Variants in GABRA3 observed in about 807,000 individuals in gnomAD.
GABRA3 encodes gamma-aminobutyric acid receptor subunit alpha-3.
Under a neutral mutation model 30.1 loss-of-function variants are expected in GABRA3, and 10 were observed. The observed-to-expected ratio is 0.33, with a 90% CI of 0.20 to 0.56. The LOEUF (loss-of-function observed/expected upper bound fraction) is 0.56. Ranked by LOEUF, GABRA3 falls within the 20% of genes least tolerant of loss-of-function variation. The pLI is 0.89. For missense variants in GABRA3, 233 were observed against 392.0 expected, an observed-to-expected ratio of 0.59 and a Z score of 3.42; for synonymous variants, 151 against 146.8, an observed-to-expected ratio of 1.03 and a Z score of -0.21.
chrX:152,401,311 TA>T (rs1343019231), intron 1 of GABRA3, among the ~76,000 whole-genome samples: 1 of 107,858 alleles, frequency 9.3e-6, no homozygotes, highest in Non-Finnish European at 1.9e-5. Context: ...CACAAACACA[TA>T]TACTCTACAA....
At chrX:152,441,011 T>TAAAAAA (rs3042367) in intron 1 of GABRA3, among the ~76,000 whole-genome samples, 2 of 97,637 alleles carry the variant, frequency 2.0e-5, no homozygotes, top group African/African-American at 7.7e-5. Flanking sequence ...TATAGTATAA[T>TAAAAAA]AAAAAAAAAA....
intron 1 of GABRA3, among the ~76,000 whole-genome samples, chrX:152,450,420 T>C (rs1236402047): frequency 9.5e-6 from 1 of 105,221 alleles, no homozygotes; most frequent in Non-Finnish European, 1.9e-5. Context: ...ATCTAGGATG[T>C]CAGCTCAATT....
intron 6 of GABRA3, among the ~76,000 whole-genome samples, chrX:152,213,306 C>T (rs894508248): frequency 1.7e-4 from 19 of 111,823 alleles, no homozygotes; most frequent in African/African-American, 5.5e-4. Context: ...GAAGATACAG[C>T]GATCATAAAA....
intron 1 of GABRA3, among the ~76,000 whole-genome samples, chrX:152,445,902 A>T (rs900211011): frequency 8.9e-6 from 1 of 111,891 alleles, no homozygotes; most frequent in Non-Finnish European, 1.9e-5. Flanking sequence ...CAAATTCTTC[A>T]TATTTTTTAT....
intron 3 of GABRA3, among the ~76,000 whole-genome samples, chrX:152,327,723 G>A (rs924250357): frequency 9.0e-6 from 1 of 111,726 alleles, no homozygotes; most frequent in Non-Finnish European, 1.9e-5. Flanking sequence ...GACATTTATA[G>A]CACTAAATGC....
chrX:152,428,917 T>C (rs1335718259), intron 1 of GABRA3, among the ~76,000 whole-genome samples: 1 of 111,322 alleles, frequency 9.0e-6, no homozygotes, highest in Non-Finnish European at 1.9e-5. Context: ...AGAAAAACAA[T>C]AGACCACTGA....
chrX:152,306,523 G>A (rs1403850910), intron 3 of GABRA3, among the ~76,000 whole-genome samples: 2 of 111,901 alleles, frequency 1.8e-5, no homozygotes, highest in African/African-American at 3.2e-5. Flanking sequence ...TGTTGCAAGT[G>A]AGATGTGGTC....
At chrX:152,443,401 C>T (rs1278346391) in intron 1 of GABRA3, among the ~76,000 whole-genome samples, 3 of 112,041 alleles carry the variant, frequency 2.7e-5, no homozygotes, top group African/African-American at 9.7e-5. Context: ...TAGAGTGGAA[C>T]ACCTTCACAT....
At chrX:152,321,366 A>G (rs1939961161) in intron 3 of GABRA3, among the ~76,000 whole-genome samples, 1 of 111,676 alleles carries the variant, frequency 9.0e-6, no homozygotes, top group African/African-American at 3.3e-5. Context: ...ACGGTAAAAT[A>G]CAGGGAATCA....
chrX:152,306,715 C>A (rs1017683110), intron 3 of GABRA3, among the ~76,000 whole-genome samples: 1 of 112,186 alleles, frequency 8.9e-6, no homozygotes, highest in Admixed American at 9.4e-5. Context: ...AAAAACAAAA[C>A]AAAACCGTAC....
chrX:152,446,150 C>T (rs149323611), intron 1 of GABRA3, among the ~76,000 whole-genome samples: 1,279 of 112,212 alleles, frequency 0.011, 13 homozygotes, highest in African/African-American at 0.039. Context: ...TTGGTAGGCA[C>T]TGTGACCATC....
At chrX:152,343,501 T>C (rs1327028752) in intron 3 of GABRA3, among the ~76,000 whole-genome samples, 4 of 109,352 alleles carry the variant, frequency 3.7e-5, no homozygotes, top group African/African-American at 1.3e-4. Flanking sequence ...GTCTTCCCTA[T>C]TTTAGAAAAT....
chrX:152,224,737 C>CA, intron 6 of GABRA3, 26 bp downstream of exon 6: 1 of 1,000,289 alleles, frequency 1.0e-6, no homozygotes, highest in Non-Finnish European at 1.4e-6. Flanking sequence ...AAAAAAAAGA[C>CA]AGAGAGAGAG....
chrX:152,256,435 A>G (rs5970246), intron 4 of GABRA3, among the ~76,000 whole-genome samples: 9,207 of 111,175 alleles, frequency 0.083, 822 homozygotes, highest in African/African-American at 0.26. Context: ...CGTACATTTA[A>G]TCTGAGCCTC....
rs1423841508 is a variant in GABRA3 at position 152,279,412 on chromosome X, G to T, written c.330+5256C>A. Among the ~76,000 whole-genome samples the T allele has an allele frequency of 3.6e-5, 4 of 111,509 alleles. No individual in the cohort carries two copies. The South Asian group carries it at 1.5e-3, about 42-fold the overall frequency. ...TTTTTGTCAGGTTTGTCAAAGATCA[G>T]ATAGTTGTAGATATGTGGCATTATT... On this transcript the variant is annotated intron_variant, in intron 4 of 9. Coordinates refer to ENST00000370314, the MANE Select transcript of GABRA3 (RefSeq NM_000808.4).
chrX:152,236,657 T>C (rs1338153354), intron 5 of GABRA3, among the ~76,000 whole-genome samples: 1 of 107,964 alleles, frequency 9.3e-6, no homozygotes, highest in Non-Finnish European at 1.9e-5. Context: ...CCAGCACCTG[T>C]TGTTTCCTGA....
At chrX:152,345,866 C>T (rs746166894) in intron 2 of GABRA3, among the ~76,000 whole-genome samples, 164 bp from the exon 3 acceptor site, 1 of 111,709 alleles carries the variant, frequency 9.0e-6, no homozygotes, top group Admixed American at 9.5e-5. Flanking sequence ...ACAATGATTG[C>T]TTGTGTAGGA....
intron 3 of GABRA3, among the ~76,000 whole-genome samples, chrX:152,320,219 G>A (rs940985003): frequency 4.5e-5 from 5 of 111,427 alleles, no homozygotes; most frequent in Admixed American, 9.5e-5. Flanking sequence ...TCCCACTACT[G>A]GATATCTACC....
intron 1 of GABRA3, among the ~76,000 whole-genome samples, chrX:152,444,734 GTTTTT>G (rs1261513788): frequency 2.5e-5 from 1 of 40,389 alleles, no homozygotes; most frequent in African/African-American, 7.4e-5. Context: ...ATACTTGTGT[GTTTTT>G]TTTTTTTTGT....
Sources: gnomAD v4.1 joint callset for allele counts (sites outside exome capture counted in the v4.1 genomes callset) on GRCh38, gnomAD v4.1.1 for gene constraint, MANE v1.5 for transcripts, NCBI Gene and HGNC (gene_info 2026-07-23, HGNC 2026-07-21) for gene names.